ERV3-1: variants seen among roughly 807,000 people sequenced by gnomAD.
ERV3-1 encodes endogenous retrovirus group 3 member 1, envelope.
A neutral mutation model predicts 24.6 loss-of-function variants in ERV3-1; 36 were observed. The ratio of observed to expected loss-of-function variants is 1.47; its 90% CI spans 1.12 to 1.94. The LOEUF is 1.94. Ranked by LOEUF, ERV3-1 falls within the 30% of genes most tolerant of loss-of-function variation. The probability of loss-of-function intolerance (pLI) is 0.00; values close to 1 mark genes in which losing one functional copy is unlikely to be tolerated. For missense variants in ERV3-1, 578 were observed against 330.9 expected (o/e 1.75, Z -5.79); for synonymous variants, 211 against 122.6 (o/e 1.72, Z -4.76).
Position 64,992,537 on chromosome 7 carries a change from T to C in ERV3-1, c.490A>G (p.Thr164Ala), listed in dbSNP as rs1412336887. Residue 164 changes from threonine to alanine, a missense_variant, in exon 2 of 2, where the codon ACT (threonine) becomes GCT (alanine). Transcript: ENST00000394323. ...GACCACGTTGTGCAGTCCCAGCAAG[T>C]TGTTACTGGGGAATCGGTGGAACAA... Reference protein sequence around the residue: ...PACSTDSPVTTCWDCTTWSTN... With the variant: ...PACSTDSPVTACWDCTTWSTN... 4 of 766,362 alleles carry C rather than the reference T, an allele frequency of 5.2e-6. No individual in the cohort carries two copies. The highest frequency in any genetic ancestry group is 7.2e-6 in the Non-Finnish European group (3 of 417,896). The allele number at this position is 766,362 out of a possible 1,614,324, so 47.5% of individuals were successfully genotyped here.
At chr7:64,993,459 T>C (rs943986546) in intron 1 of ERV3-1, 45 bp from the exon 2 acceptor site, 1 of 163,488 alleles carries the variant, frequency 6.1e-6, no homozygotes, top group African/African-American at 2.4e-5. Context: ...ATGGAGCCCA[T>C]CCCATATGGG....
In ERV3-1 at chr7:64,991,472, G is replaced by C. The variant is rs780478011; in HGVS notation, c.1555C>G (p.Gln519Glu). Residue 519 changes from glutamine (Q) to glutamate (E), a missense_variant, in exon 2 of 2, where the codon CAG (glutamine) becomes GAG (glutamate). Transcript: ENST00000394323. ...VYMLNRIIRLQAVLEIITNET... is the reference protein window; with the variant it reads ...VYMLNRIIRLEAVLEIITNET... ...TTGGTAATGATTTCTAGTACTGCCTGCAATCTTATAATGCGGTTAAGCATG... is the reference window on the plus strand; with the variant it reads ...TTGGTAATGATTTCTAGTACTGCCTCCAATCTTATAATGCGGTTAAGCATG... 3 of 704,134 alleles carry C rather than the reference G, an allele frequency of 4.3e-6. No homozygotes were observed. Among genetic ancestry groups the C allele is most frequent in the South Asian group, 3.0e-5 (2 of 67,606 alleles). 43.6% of individuals were successfully genotyped at this position (704,134 alleles called of 1,614,324 possible). A position where few individuals can be genotyped will look rare whatever the true frequency, so the allele number is the denominator to read the frequency against.
Position 64,993,220 on chromosome 7 carries a change from C to T in ERV3-1, c.-194G>A, listed in dbSNP as rs150835289. 1.9e-4 allele frequency: 107 copies of T among 575,070 alleles called. 1 individual carries two copies. The highest frequency in any genetic ancestry group is 1.8e-3 in the African/African-American group (98 of 53,558). The allele number at this position is 575,070 out of a possible 1,614,324, so 35.6% of individuals were successfully genotyped here. A position where few individuals can be genotyped will look rare whatever the true frequency, so the allele number is the denominator to read the frequency against. ...GTGACTAGAGCAGGGCTGTTGTCTC[C>T]TCAAGCTTCAGCCGTGTGTGGACTG... is the stretch of plus-strand genomic sequence containing the variant. On this transcript the variant is annotated 5_prime_UTR_variant, in exon 2 of 2. Coordinates refer to ENST00000394323, the MANE Select transcript of ERV3-1 (RefSeq NM_001007253.4).
chr7:65,002,124 C>G (rs1204078163), intron 1 of ERV3-1, among the ~76,000 whole-genome samples: 1 of 152,118 alleles, frequency 6.6e-6, no homozygotes, highest in South Asian at 2.1e-4. Flanking sequence ...CATAGATAAT[C>G]CTGGTAAATA....
chr7:64,998,190 G>A (rs1038249746), intron 1 of ERV3-1, among the ~76,000 whole-genome samples: 2 of 152,132 alleles, frequency 1.3e-5, no homozygotes, highest in Non-Finnish European at 1.5e-5. Flanking sequence ...TGCAAAACTG[G>A]TTTTTCTTGT....
intron 1 of ERV3-1, among the ~76,000 whole-genome samples, chr7:65,001,266 T>C (rs1478928343): frequency 1.3e-5 from 2 of 152,200 alleles, no homozygotes; most frequent in African/African-American, 2.4e-5. Flanking sequence ...CCAGGTGGGA[T>C]TGTCCTCTGA....
Position 64,991,150 on chromosome 7 carries a change from TGTACTAAG to T in ERV3-1, c.*54_*61del, listed in dbSNP as rs1786254772. The T allele has an allele frequency of 1.6e-6, 1 of 634,466 alleles. No individual in the cohort carries two copies. Among genetic ancestry groups the T allele is most frequent in the African/African-American group, 1.8e-5 (1 of 55,562 alleles). 39.3% of individuals were successfully genotyped at this position (634,466 alleles called of 1,614,324 possible). On this transcript the variant is annotated 3_prime_UTR_variant, in exon 2 of 2. Transcript: ENST00000394323. ...AACTCCCAATATGGCTAGGACTATT[TGTACTAAG>T]GTTTTAAATCCTCCAAGGGATGAGA...
chr7:64,993,800 C>T (rs1482178007), intron 1 of ERV3-1, among the ~76,000 whole-genome samples: 1 of 152,168 alleles, frequency 6.6e-6, no homozygotes, highest in African/African-American at 2.4e-5. Context: ...GGCAATATTT[C>T]TTCAGTAGCT....
At chr7:64,997,836 G>A (rs776267767) in intron 1 of ERV3-1, among the ~76,000 whole-genome samples, 26 of 152,176 alleles carry the variant, frequency 1.7e-4, no homozygotes, top group Non-Finnish European at 3.7e-4. Flanking sequence ...GGAGGGAGTA[G>A]GGAGTATGGT....
intron 1 of ERV3-1, among the ~76,000 whole-genome samples, chr7:65,005,508 G>A (rs576021068): frequency 6.6e-6 from 1 of 152,198 alleles, no homozygotes; most frequent in South Asian, 2.1e-4. Flanking sequence ...CCAATGCTTT[G>A]TCAAAAAATG....
chr7:65,006,553 T>G lies in ERV3-1; in HGVS notation c.-401A>C. On this transcript the variant is annotated 5_prime_UTR_variant, in exon 1 of 2. Coordinates refer to ENST00000394323, the MANE Select transcript of ERV3-1 (RefSeq NM_001007253.4). The stretch of plus-strand genomic sequence containing the variant: ...CCGGCACTCTCACCATTTCTAGGCT[T>G]CCAGTGGGTCCTGGCGTCTTAGCTG... 6.3e-7 allele frequency: 1 copy of G among 1,576,330 alleles called. No homozygotes were observed. Among genetic ancestry groups the G allele is most frequent in the South Asian group, 1.1e-5 (1 of 90,374 alleles).
In ERV3-1 at chr7:64,991,836, A is replaced by C. The variant is rs1362009669; in HGVS notation, c.1191T>G (p.Ser397=). ...PHPSPFSRFP[S]LNHSWYQLEA... ...CAAGTTGGTACCAAGAATGGTTTAA[A>C]GATGGGAAACGAGAGAATGGGCTTG... The change falls in exon 2 of 2, where the codon TCT becomes TCG. Residue 397 remains serine, a synonymous_variant. Transcript: ENST00000394323. 3.9e-6 allele frequency: 3 copies of C among 766,288 alleles called. No homozygotes were observed. The East Asian group carries it at 7.3e-5, about 19-fold the overall frequency. The allele number at this position is 766,288 out of a possible 1,614,324, so 47.5% of individuals were successfully genotyped here. A position where few individuals can be genotyped will look rare whatever the true frequency, so the allele number is the denominator to read the frequency against.
chr7:64,991,074 T>C lies in ERV3-1; in HGVS notation c.*138A>G. 2 of 589,136 alleles carry C rather than the reference T, an allele frequency of 3.4e-6. No homozygotes were observed. Among genetic ancestry groups the C allele is most frequent in the Non-Finnish European group, 6.0e-6 (2 of 331,022 alleles). The allele number at this position is 589,136 out of a possible 1,614,324, so 36.5% of individuals were successfully genotyped here. A position where few individuals can be genotyped will look rare whatever the true frequency, so the allele number is the denominator to read the frequency against. Reference sequence around the variant, plus strand: ...GTCTGTCCACAAGAGCCTCTATGGCTGTTTGGATATTTTTGACAATGAGGG... The same window carrying C: ...GTCTGTCCACAAGAGCCTCTATGGCCGTTTGGATATTTTTGACAATGAGGG... On this transcript the variant is annotated 3_prime_UTR_variant, in exon 2 of 2. Coordinates refer to ENST00000394323, the MANE Select transcript of ERV3-1 (RefSeq NM_001007253.4).
chr7:64,996,299 C>T (rs948893390), intron 1 of ERV3-1, among the ~76,000 whole-genome samples: 1 of 152,100 alleles, frequency 6.6e-6, no homozygotes, highest in African/African-American at 2.4e-5. Flanking sequence ...TATAAATGCC[C>T]CAAATATCCT....
intron 1 of ERV3-1, chr7:65,004,728 G>A (rs1786600357): frequency 6.6e-6 from 1 of 152,190 alleles, no homozygotes; most frequent in African/African-American, 2.4e-5. Flanking sequence ...AATCCCTTGA[G>A]AGATTCTCCC....
intron 1 of ERV3-1, among the ~76,000 whole-genome samples, chr7:64,995,181 C>CTA (rs1786380272): frequency 6.6e-6 from 1 of 152,156 alleles, no homozygotes; most frequent in Non-Finnish European, 1.5e-5. Flanking sequence ...AAGTTATAAC[C>CTA]GCATGTGGTA....
intron 1 of ERV3-1, among the ~76,000 whole-genome samples, chr7:64,995,043 TG>T (rs1786378184): frequency 6.6e-6 from 1 of 152,262 alleles, no homozygotes; most frequent in Admixed American, 6.5e-5. Flanking sequence ...CCGGTTTGAC[TG>T]GGAGCAGGGT....
rs762280503 is a variant in ERV3-1 at position 64,991,938 on chromosome 7, T to C, written c.1089A>G (p.Leu363=). Residue 363 remains leucine, a synonymous_variant, in exon 2 of 2, where the codon CTA becomes CTG. Coordinates refer to ENST00000394323, the MANE Select transcript of ERV3-1 (RefSeq NM_001007253.4). The stretch of plus-strand genomic sequence containing the variant: ...GTGTCTCGTTGTAATATTGTTGTCC[T>C]AGGCAAGTTAACTCTCCTACTGGGT... ...FTDPVGELTC[L]GQQYYNETLG... 3.9e-6 allele frequency: 3 copies of C among 766,412 alleles called. No homozygotes were observed. Among genetic ancestry groups the C allele is most frequent in the East Asian group, 4.8e-5 (2 of 41,248 alleles). 47.5% of individuals were successfully genotyped at this position (766,412 alleles called of 1,614,324 possible). A position where few individuals can be genotyped will look rare whatever the true frequency, so the allele number is the denominator to read the frequency against.
chr7:64,995,967 G>A (rs1786399674), intron 1 of ERV3-1, among the ~76,000 whole-genome samples: 1 of 152,220 alleles, frequency 6.6e-6, no homozygotes, highest in Non-Finnish European at 1.5e-5. Context: ...CTGTCCCCCT[G>A]TGCCTGTGAC....
Sources: gnomAD v4.1 joint callset for allele counts (sites outside exome capture counted in the v4.1 genomes callset) on GRCh38, gnomAD v4.1.1 for gene constraint, MANE v1.5 for transcripts, NCBI Gene and HGNC (gene_info 2026-07-23, HGNC 2026-07-21) for gene names.